The following CNTN5 variants were observed in gnomAD, a reference collection of about 807,000 sequenced individuals.
CNTN5 encodes contactin 5, also known as contactin-5.
In CNTN5, 77 loss-of-function variants were observed where a neutral mutation model predicts 129.1. That is an observed-to-expected ratio of 0.60 (90% CI 0.50 to 0.72). The LOEUF (loss-of-function observed/expected upper bound fraction) is 0.72, where lower values mean the gene tolerates loss of function less well. Ranked by LOEUF, CNTN5 falls within the 30% of genes least tolerant of loss-of-function variation. CNTN5 has a pLI of 0.00. For synonymous variants in CNTN5, 509 were observed against 465.6 expected (o/e 1.09, Z -1.20); for missense variants, 1,478 against 1,328.8 (o/e 1.11, Z -1.75).
chr11:99,844,043 C>T (rs1947601282), intron 4 of CNTN5, among the ~76,000 whole-genome samples: 1 of 152,242 alleles, frequency 6.6e-6, no homozygotes, highest in African/African-American at 2.4e-5. Flanking sequence ...ATTTGAAGTC[C>T]ATTTTTAGTT....
intron 13 of CNTN5, among the ~76,000 whole-genome samples, chr11:100,152,815 T>C (rs1947113846): frequency 6.6e-6 from 1 of 152,062 alleles, no homozygotes; most frequent in Non-Finnish European, 1.5e-5. Context: ...TCAAAGTATG[T>C]TATAGCATTC....
At chr11:99,322,156 G>A (rs945390424) in intron 1 of CNTN5, among the ~76,000 whole-genome samples, 3 of 152,128 alleles carry the variant, frequency 2.0e-5, no homozygotes, top group African/African-American at 7.2e-5. Context: ...AATTCTGGAG[G>A]CTAGAAGTTC....
At chr11:100,270,941 C>A in intron 17 of CNTN5, 151 bp from the exon 18 acceptor site, 1 of 566,814 alleles carries the variant, frequency 1.8e-6, no homozygotes, top group Non-Finnish European at 3.0e-6. Context: ...TTTCATTTTA[C>A]TAATGACACT....
intron 1 of CNTN5, among the ~76,000 whole-genome samples, chr11:99,036,923 A>C (rs1863763818): frequency 6.6e-6 from 1 of 152,210 alleles, no homozygotes; most frequent in African/African-American, 2.4e-5. Flanking sequence ...ACATATTAAC[A>C]GAAACAAACC....
At chr11:99,056,191 G>A (rs992525821) in intron 1 of CNTN5, among the ~76,000 whole-genome samples, 1 of 151,736 alleles carries the variant, frequency 6.6e-6, no homozygotes, top group Non-Finnish European at 1.5e-5. Flanking sequence ...AAGCCATGTA[G>A]TATATATATA....
intron 1 of CNTN5, among the ~76,000 whole-genome samples, chr11:99,035,700 C>G (rs1863685154): frequency 4.0e-5 from 6 of 151,642 alleles, no homozygotes. Flanking sequence ...ATACAGCACA[C>G]TGATGGGTCT....
intron 13 of CNTN5, among the ~76,000 whole-genome samples, chr11:100,170,896 A>AC (rs1555028627): frequency 1.3e-5 from 2 of 148,834 alleles, no homozygotes; most frequent in African/African-American, 5.1e-5. Context: ...AACAAAAACA[A>AC]AAAAAAAACT....
At chr11:99,479,266 C>CTT (rs11372808) in intron 2 of CNTN5, among the ~76,000 whole-genome samples, 39 of 147,742 alleles carry the variant, frequency 2.6e-4, no homozygotes, top group Non-Finnish European at 4.8e-4. Flanking sequence ...GCCCTTCACA[C>CTT]TTTTTTTTTT....
chr11:99,157,054 TA>T (rs992921010), intron 1 of CNTN5, among the ~76,000 whole-genome samples: 4 of 152,146 alleles, frequency 2.6e-5, no homozygotes, highest in African/African-American at 9.6e-5. Flanking sequence ...CATGATTTTT[TA>T]AAGATTGAAT....
At chr11:99,031,151 T>G (rs1253423068) in intron 1 of CNTN5, among the ~76,000 whole-genome samples, 1 of 152,078 alleles carries the variant, frequency 6.6e-6, no homozygotes. Flanking sequence ...TTGTGAATTG[T>G]AATTGTATTT....
At chr11:99,678,808 G>A (rs1953414376) in intron 3 of CNTN5, among the ~76,000 whole-genome samples, 1 of 151,898 alleles carries the variant, frequency 6.6e-6, no homozygotes, top group African/African-American at 2.4e-5. Context: ...AAATTACTAG[G>A]TGTCCACATG....
chr11:100,257,137 G>T (rs1950088700), intron 17 of CNTN5, among the ~76,000 whole-genome samples: 1 of 152,106 alleles, frequency 6.6e-6, no homozygotes, highest in Non-Finnish European at 1.5e-5. Context: ...TTGAGTCGGT[G>T]GTTTACCCTT....
intron 13 of CNTN5, among the ~76,000 whole-genome samples, chr11:100,166,369 TTACCAAGAC>T (rs1379973525): frequency 1.3e-5 from 2 of 151,698 alleles, no homozygotes; most frequent in East Asian, 3.9e-4. Context: ...AAACATCTCA[TTACCAAGAC>T]TAAATATTAA....
intron 1 of CNTN5, among the ~76,000 whole-genome samples, chr11:99,282,448 T>C (rs1863742951): frequency 6.6e-6 from 1 of 151,788 alleles, no homozygotes; most frequent in African/African-American, 2.4e-5. Flanking sequence ...AGCTGCTAGG[T>C]ATGGATTGAT....
rs1017118620 is a variant in CNTN5, at chr11:100,026,904, T to A, written c.980+24768T>A. ...ATGAAGTCCAACATATCAATTTGTTTTTTCATGGATTATGCCTTTGATAGT... is the reference window on the plus strand; with the variant it reads ...ATGAAGTCCAACATATCAATTTGTTATTTCATGGATTATGCCTTTGATAGT... On this transcript the variant is annotated intron_variant, in intron 9 of 24. Coordinates refer to ENST00000524871, the MANE Select transcript of CNTN5 (RefSeq NM_014361.4). Among the ~76,000 whole-genome samples, 8 of 152,266 alleles carry A rather than the reference T, an allele frequency of 5.3e-5. No individual in the cohort carries two copies. The East Asian group carries it at 1.5e-3, about 29-fold the overall frequency.
intron 2 of CNTN5, among the ~76,000 whole-genome samples, chr11:99,379,330 A>G (rs1940383320): frequency 6.6e-6 from 1 of 151,818 alleles, no homozygotes; most frequent in Admixed American, 6.6e-5. Flanking sequence ...TTAAAATTTA[A>G]AAGTAAGAAT....
intron 9 of CNTN5, among the ~76,000 whole-genome samples, chr11:100,037,193 G>A (rs1038498172): frequency 7.1e-6 from 1 of 141,760 alleles, no homozygotes; most frequent in Non-Finnish European, 1.5e-5. Context: ...GTTGAATTTT[G>A]TCAAAGGCCT....
intron 15 of CNTN5, among the ~76,000 whole-genome samples, chr11:100,213,755 G>C (rs1044641289): frequency 1.3e-5 from 2 of 152,060 alleles, no homozygotes; most frequent in African/African-American, 4.8e-5. Flanking sequence ...GCATTGCTTT[G>C]AATAGTTAGC....
intron 16 of CNTN5, among the ~76,000 whole-genome samples, chr11:100,237,053 G>A (rs1949631259): frequency 6.6e-6 from 1 of 151,950 alleles, no homozygotes; most frequent in Non-Finnish European, 1.5e-5. Context: ...GCCAGGTGTG[G>A]TGGTGGGCGC....
Sources: gnomAD v4.1 joint callset for allele counts (sites outside exome capture counted in the v4.1 genomes callset) on GRCh38, gnomAD v4.1.1 for gene constraint, MANE v1.5 for transcripts, NCBI Gene and HGNC (gene_info 2026-07-23, HGNC 2026-07-21) for gene names.